RTL9: variants seen among roughly 807,000 people sequenced by gnomAD.
The protein encoded by RTL9 is retrotransposon Gag like 9, also known as retrotransposon Gag-like protein 9.
RTL9 carries 19 observed loss-of-function variants against 44.7 expected under a neutral mutation model. The observed-to-expected ratio is 0.42, with a 90% CI of 0.30 to 0.62. The LOEUF (loss-of-function observed/expected upper bound fraction) is 0.62. Ranked by LOEUF, RTL9 falls within the 20% of genes least tolerant of loss-of-function variation. The probability of loss-of-function intolerance (pLI) is 0.16; values close to 1 mark genes in which losing one functional copy is unlikely to be tolerated. For missense variants in RTL9, 1,105 were observed against 1,080.6 expected, an observed-to-expected ratio of 1.02 and a Z score of -0.32; for synonymous variants, 407 against 398.9, an observed-to-expected ratio of 1.02 and a Z score of -0.24.
intron 1 of RTL9, among the ~76,000 whole-genome samples, chrX:110,411,276 A>C (rs1369791367): frequency 8.9e-6 from 1 of 111,978 alleles, no homozygotes; most frequent in African/African-American, 3.2e-5. Flanking sequence ...AGATCTGGGA[A>C]GAGTTTGGTC....
chrX:110,421,430 G>A (rs1345648346), intron 1 of RTL9, among the ~76,000 whole-genome samples: 1 of 112,762 alleles, frequency 8.9e-6, no homozygotes, highest in Non-Finnish European at 1.9e-5. Context: ...GGAAGACTAT[G>A]TAGATAAGTC....
At chrX:110,395,199 C>T (rs895640906) in intron 1 of RTL9, among the ~76,000 whole-genome samples, 2 of 112,111 alleles carry the variant, frequency 1.8e-5, no homozygotes. Context: ...CGAGGGTGCC[C>T]CCACACCAGA....
chrX:110,384,156 C>T (rs1244943858), intron 1 of RTL9, among the ~76,000 whole-genome samples: 5 of 111,346 alleles, frequency 4.5e-5, no homozygotes, highest in Admixed American at 9.6e-5. Context: ...TTTGCTGTGT[C>T]TGTGTCTTGT....
chrX:110,414,588 T>C (rs1013424100), upstream of RTL9, among the ~76,000 whole-genome samples: 1 of 113,171 alleles, frequency 8.8e-6, no homozygotes, highest in Non-Finnish European at 1.9e-5. Context: ...ACAGGTTAAG[T>C]CACTCACTAA....
intron 1 of RTL9, among the ~76,000 whole-genome samples, chrX:110,428,022 C>G (rs1318090371): frequency 8.9e-6 from 1 of 112,139 alleles, no homozygotes; most frequent in Non-Finnish European, 1.9e-5. Flanking sequence ...CCACAGCGTC[C>G]ACAACATAGC....
chrX:110,451,115 A>G, exon 1 of RTL9: 1 of 1,212,136 alleles, frequency 8.2e-7, no homozygotes, highest in Non-Finnish European at 1.1e-6. Flanking sequence ...AGATATCACC[A>G]TTGGCAATGC....
chrX:110,453,980 G>A (rs371810988), exon 1 of RTL9: 4 of 1,209,941 alleles, frequency 3.3e-6, no homozygotes, highest in South Asian at 1.8e-5. Flanking sequence ...AGCCCACATC[G>A]CACATGACTG....
chrX:110,364,653 G>C (rs763864818), intron 1 of RTL9, among the ~76,000 whole-genome samples: 2 of 111,855 alleles, frequency 1.8e-5, no homozygotes, highest in South Asian at 7.5e-4. Flanking sequence ...GGAAAAAATT[G>C]AGTTTTGGAA....
exon 1 of RTL9, chrX:110,451,300 C>T (rs1270821574): frequency 2.5e-6 from 3 of 1,212,047 alleles, no homozygotes; most frequent in Non-Finnish European, 3.4e-6. Context: ...AGCTCTGAGG[C>T]AATGTCCCCA....
upstream of RTL9, among the ~76,000 whole-genome samples, chrX:110,445,855 G>A (rs1237852508): frequency 1.8e-5 from 2 of 111,591 alleles, no homozygotes; most frequent in Admixed American, 1.9e-4. Flanking sequence ...ATGCTAAGCG[G>A]TAAATTCTGG....
chrX:110,419,404 C>T (rs2068701645), intron 1 of RTL9, among the ~76,000 whole-genome samples: 1 of 112,559 alleles, frequency 8.9e-6, no homozygotes, highest in African/African-American at 3.2e-5. Flanking sequence ...CTTCTCTGAC[C>T]ACCCACAGTT....
upstream of RTL9, among the ~76,000 whole-genome samples, chrX:110,447,111 CT>C (rs1181988453): frequency 0.022 from 796 of 36,729 alleles, no homozygotes; most frequent in Middle Eastern, 0.029. Context: ...TATTCTGTGA[CT>C]TTTTTTTTTT....
At chrX:110,417,569 G>T (rs1366539749), upstream of RTL9, among the ~76,000 whole-genome samples, 2 of 111,880 alleles carry the variant, frequency 1.8e-5, no homozygotes, top group Non-Finnish European at 3.8e-5. Context: ...GTTTTGTGAT[G>T]GAGGTGGGTA....
At chrX:110,452,789 C>T (rs751953859) in exon 1 of RTL9, 92 of 1,209,811 alleles carry the variant, frequency 7.6e-5, no homozygotes, top group Non-Finnish European at 1.0e-4. Context: ...AGCCAATGAG[C>T]ACCCAAGATC....
At chrX:110,412,852 G>A (rs1157781034) in intron 1 of RTL9, among the ~76,000 whole-genome samples, 1 of 112,365 alleles carries the variant, frequency 8.9e-6, no homozygotes, top group Non-Finnish European at 1.9e-5. Flanking sequence ...AAGACTGGAA[G>A]GATAGACAGA....
chrX:110,367,996 T>TTATTAC (rs1404008475), intron 1 of RTL9, among the ~76,000 whole-genome samples: 3 of 102,468 alleles, frequency 2.9e-5, no homozygotes, highest in Non-Finnish European at 5.9e-5. Flanking sequence ...ATTATTATTA[T>TTATTAC]TATTATTATT....
At chrX:110,365,838 G>C (rs2068293716) in intron 1 of RTL9, among the ~76,000 whole-genome samples, 2 of 112,124 alleles carry the variant, frequency 1.8e-5, no homozygotes, top group African/African-American at 6.5e-5. Flanking sequence ...GCCAAGCATA[G>C]TGCCTGACAC....
At chrX:110,452,352 CTAA>C (rs1456697906) in exon 1 of RTL9, 2 of 1,210,259 alleles carry the variant, frequency 1.7e-6, no homozygotes, top group Non-Finnish European at 2.2e-6. Flanking sequence ...GTCCACCCCA[CTAA>C]TGACAGCCCA....
Position 110,439,208 on chromosome X carries a change from G to A in RTL9, c.-167-5945G>A, listed in dbSNP as rs779685868. Among the ~76,000 whole-genome samples the A allele has an allele frequency of 2.7e-5, 3 of 111,869 alleles. No individual in the cohort carries two copies. In the South Asian group the frequency reaches 1.1e-3, roughly 43 times the overall value. On this transcript the variant is annotated intron_variant, in intron 1 of 3. Transcript: ENST00000465301. ...GAGCTGCTTCAGGGACTGACAAGCC[G>A]GCCAGAGACAATGTCCTCTCTCAGG...
Sources: gnomAD v4.1 joint callset for allele counts (sites outside exome capture counted in the v4.1 genomes callset) on GRCh38, gnomAD v4.1.1 for gene constraint, MANE v1.5 for transcripts, NCBI Gene and HGNC (gene_info 2026-07-23, HGNC 2026-07-21) for gene names.